Variants in PDGFD observed in about 807,000 individuals in gnomAD.
The protein encoded by PDGFD is platelet-derived growth factor D.
Under a neutral mutation model 44.7 loss-of-function variants are expected in PDGFD, and 30 were observed. The observed-to-expected ratio is 0.67, with a 90% CI of 0.50 to 0.91. The LOEUF is 0.91. Ranked by LOEUF, PDGFD falls within the 40% of genes least tolerant of loss-of-function variation. The probability of loss-of-function intolerance (pLI) is 0.00; values close to 1 mark genes in which losing one functional copy is unlikely to be tolerated. For missense variants in PDGFD, 445 were observed against 457.8 expected (o/e 0.97, Z 0.25); for synonymous variants, 173 against 168.4 (o/e 1.03, Z -0.21).
chr11:104,162,419 CCACA>C (rs1862404298), intron 1 of PDGFD, among the ~76,000 whole-genome samples: 1 of 149,948 alleles, frequency 6.7e-6, no homozygotes, highest in Admixed American at 6.7e-5. Context: ...AGACAAAAAA[CCACA>C]CAGTTTGGTG....
At chr11:104,005,531 A>G (rs1859688647) in intron 1 of PDGFD, among the ~76,000 whole-genome samples, 1 of 152,246 alleles carries the variant, frequency 6.6e-6, no homozygotes, top group South Asian at 2.1e-4. Flanking sequence ...TAAGTACCAA[A>G]GTATTATACA....
chr11:104,023,238 C>T (rs1033792485), intron 1 of PDGFD, among the ~76,000 whole-genome samples: 6 of 152,012 alleles, frequency 3.9e-5, no homozygotes, highest in East Asian at 1.9e-4. Flanking sequence ...CAACAGAAAA[C>T]GCCGTCTGAA....
At chr11:103,933,619 T>C (rs1411577511) in intron 5 of PDGFD, among the ~76,000 whole-genome samples, 6 of 152,222 alleles carry the variant, frequency 3.9e-5, no homozygotes, top group East Asian at 3.8e-4. Flanking sequence ...TTTAGAAGCA[T>C]TGTGAAGCAA....
At chr11:103,944,342 A>T (rs1038345239) in intron 4 of PDGFD, among the ~76,000 whole-genome samples, 2 of 152,142 alleles carry the variant, frequency 1.3e-5, no homozygotes, top group African/African-American at 4.8e-5. Context: ...GAGAAACACA[A>T]CATCATTGAA....
rs77784918 is a variant in PDGFD, at chr11:104,072,215, A to G, written c.125-71960T>C. Among the ~76,000 whole-genome samples the G allele has an allele frequency of 2.4e-4, 36 of 152,038 alleles. 1 individual carries two copies. In the East Asian group the frequency reaches 6.7e-3, roughly 28 times the overall value. ...TGTGAACTGACATCTGACTTTGAGT[A>G]TCCTATCTCAAAACAAGGTATGTCT... On this transcript the variant is annotated intron_variant, in intron 1 of 6. Coordinates refer to ENST00000393158, the MANE Select transcript of PDGFD (RefSeq NM_025208.5).
In PDGFD at chr11:103,907,695, T is replaced by C. The variant is rs886605321; in HGVS notation, c.*1999A>G. On this transcript the variant is annotated 3_prime_UTR_variant, in exon 7 of 7. Transcript: ENST00000393158. ...CTCATTTTTTATATTTACAGCTACA[T>C]TGTGAGCTGTTCAGGTTAGAGTGAT... is the stretch of plus-strand genomic sequence containing the variant. 7 of 152,324 alleles carry C rather than the reference T, an allele frequency of 4.6e-5. No individual in the cohort carries two copies. In the South Asian group the frequency reaches 6.2e-4, roughly 14 times the overall value. The allele number at this position is 152,324 out of a possible 1,614,324, so 9.4% of individuals were successfully genotyped here. A position where few individuals can be genotyped will look rare whatever the true frequency, so the allele number is the denominator to read the frequency against.
chr11:104,061,208 A>T (rs1860710822), intron 1 of PDGFD, among the ~76,000 whole-genome samples: 2 of 139,064 alleles, frequency 1.4e-5, no homozygotes, highest in Admixed American at 1.4e-4. Flanking sequence ...ATAACAGAGT[A>T]TATCTTTATG....
At chr11:104,031,824 T>C (rs1409074241) in intron 1 of PDGFD, among the ~76,000 whole-genome samples, 1 of 152,150 alleles carries the variant, frequency 6.6e-6, no homozygotes, top group South Asian at 2.1e-4. Context: ...TAAAAAAGAA[T>C]GAGATCATGT....
chr11:104,027,823 G>T (rs1325931942), intron 1 of PDGFD, among the ~76,000 whole-genome samples: 3 of 152,192 alleles, frequency 2.0e-5, no homozygotes, highest in Non-Finnish European at 4.4e-5. Context: ...CACAAGGGCA[G>T]ATTGAATTGA....
intron 1 of PDGFD, among the ~76,000 whole-genome samples, chr11:104,009,082 T>C (rs1382704346): frequency 6.6e-6 from 1 of 152,058 alleles, no homozygotes; most frequent in East Asian, 1.9e-4. Context: ...AAGGGATTAT[T>C]TTTGGAAGAG....
intron 1 of PDGFD, among the ~76,000 whole-genome samples, chr11:104,132,099 T>C (rs1028904763): frequency 1.3e-5 from 2 of 152,092 alleles, no homozygotes; most frequent in South Asian, 2.1e-4. Flanking sequence ...GAAATTCAGA[T>C]AGTGTTAGAT....
At position 104,139,873 on chromosome 11, in the gene PDGFD, TAAA is replaced by T. The variant is rs1193661913; in HGVS notation, c.124+23928_124+23930del. On this transcript the variant is annotated intron_variant, in intron 1 of 6. Transcript: ENST00000393158. ...TAACAAGGTGAAACCCCGTCTCTAC[TAAA>T]AAAAAAAAAAAAAAAAAAAAAAAAA... is the stretch of plus-strand genomic sequence containing the variant. Among the ~76,000 whole-genome samples the T allele has an allele frequency of 2.5e-3, 49 of 19,838 alleles. 1 individual carries two copies. Among genetic ancestry groups the T allele is most frequent in the African/African-American group, 6.7e-3 (20 of 3,002 alleles). 13.0% of individuals were successfully genotyped at this position (19,838 alleles called of 152,430 possible).
chr11:104,160,129 C>T (rs925220567), intron 1 of PDGFD, among the ~76,000 whole-genome samples: 2 of 152,124 alleles, frequency 1.3e-5, no homozygotes, highest in African/African-American at 4.8e-5. Context: ...CTATCATCAA[C>T]GATGACAATA....
intron 1 of PDGFD, among the ~76,000 whole-genome samples, chr11:104,131,932 CA>C (rs972528536): frequency 6.6e-6 from 1 of 151,492 alleles, no homozygotes; most frequent in African/African-American, 2.4e-5. Flanking sequence ...CAAGTGGCAC[CA>C]GATGAATCTT....
chr11:103,954,551 T>C (rs1858808422), intron 3 of PDGFD, among the ~76,000 whole-genome samples: 3 of 152,226 alleles, frequency 2.0e-5, no homozygotes, highest in South Asian at 4.1e-4. Context: ...TTAAAACATA[T>C]GCAGTTACTT....
intron 3 of PDGFD, among the ~76,000 whole-genome samples, chr11:103,957,139 T>C (rs1313162733): frequency 6.6e-6 from 1 of 152,312 alleles, no homozygotes; most frequent in East Asian, 1.9e-4. Context: ...TGCCCATGCC[T>C]ATGTCCTGAA....
At chr11:104,060,616 C>A (rs762163592) in intron 1 of PDGFD, among the ~76,000 whole-genome samples, 9 of 152,246 alleles carry the variant, frequency 5.9e-5, no homozygotes, top group Admixed American at 5.9e-4. Flanking sequence ...CCTGTGTATA[C>A]TTCTGTTTGT....
At chr11:103,923,131 CTG>C (rs1858250799) in intron 6 of PDGFD, among the ~76,000 whole-genome samples, 2 of 152,126 alleles carry the variant, frequency 1.3e-5, no homozygotes, top group South Asian at 4.2e-4. Context: ...CTTTGTTATT[CTG>C]TCTTTTGTTA....
chr11:103,913,876 T>A (rs555047259), intron 6 of PDGFD, among the ~76,000 whole-genome samples: 1 of 152,146 alleles, frequency 6.6e-6, no homozygotes, highest in South Asian at 2.1e-4. Context: ...AACACCTCTA[T>A]GCAAATAAAC....
Sources: allele counts gnomAD v4.1 joint callset (sites outside exome capture counted in the v4.1 genomes callset), GRCh38; gene constraint gnomAD v4.1.1; transcripts MANE v1.5; gene names NCBI Gene and HGNC (gene_info 2026-07-23, HGNC 2026-07-21).